The following ZMYND8 variants were observed in gnomAD, a reference collection of about 807,000 sequenced individuals.
The protein encoded by ZMYND8 is MYND-type zinc finger-containing chromatin reader ZMYND8.
A neutral mutation model predicts 140.8 loss-of-function variants in ZMYND8; 37 were observed. The ratio of observed to expected loss-of-function variants is 0.26; its 90% CI spans 0.20 to 0.35. The LOEUF (loss-of-function observed/expected upper bound fraction) is 0.35. Among genes scored for constraint, ZMYND8 ranks in the 10% least tolerant of loss-of-function variants. ZMYND8 has a pLI of 1.00. For synonymous variants in ZMYND8, 592 were observed against 597.1 expected, an observed-to-expected ratio of 0.99 and a Z score of 0.12; for missense variants, 1,068 against 1,570.0, an observed-to-expected ratio of 0.68 and a Z score of 5.40.
At chr20:47,348,144 A>G in intron 1 of ZMYND8, 2 of 574,122 alleles carry the variant, frequency 3.5e-6, no homozygotes, top group Admixed American at 3.0e-5. Flanking sequence ...TTTAAGTCAA[A>G]TTACTATTCC....
chr20:47,267,682 T>C (rs1345796964), intron 11 of ZMYND8, among the ~76,000 whole-genome samples: 1 of 152,114 alleles, frequency 6.6e-6, no homozygotes, highest in African/African-American at 2.4e-5. Flanking sequence ...CCTAAAAACA[T>C]CCAGAGGCAC....
intron 2 of ZMYND8, chr20:47,319,712 G>A (rs963420358): frequency 6.6e-6 from 1 of 152,218 alleles, no homozygotes; most frequent in Non-Finnish European, 1.5e-5. Flanking sequence ...TAGCAACCGC[G>A]GCCCTTTCTC....
chr20:47,354,608 GC>G (rs1447127985), intron 1 of ZMYND8: 3 of 152,134 alleles, frequency 2.0e-5, no homozygotes, highest in Non-Finnish European at 4.4e-5. Context: ...GATTAAATGA[GC>G]CTTTTTCCAA....
chr20:47,241,029 C>T (rs1308079754), intron 14 of ZMYND8, among the ~76,000 whole-genome samples: 2 of 151,918 alleles, frequency 1.3e-5, no homozygotes, highest in East Asian at 2.0e-4. Flanking sequence ...GGTGCAGTGG[C>T]TCACGCCTGT....
chr20:47,218,829 C>CGT (rs1313646961), intron 21 of ZMYND8, among the ~76,000 whole-genome samples: 2 of 152,182 alleles, frequency 1.3e-5, no homozygotes, highest in East Asian at 3.9e-4. Flanking sequence ...CTTTCAAGGC[C>CGT]TAGCCCCTTA....
Position 47,298,819 on chromosome 20 carries a change from A to T in ZMYND8, c.363T>A (p.Leu121=). ...AAACCCGGGGACAGAGCTCACAGCAAAGGACTTGGCCTTCCCGGTGACAAA... is the reference window on the plus strand; with the variant it reads ...AAACCCGGGGACAGAGCTCACAGCATAGGACTTGGCCTTCCCGGTGACAAA... The part of the protein sequence containing the change: ...CWVCHREGQV[L]CCELCPRVYH... The change falls in exon 4 of 23, where the codon CTT becomes CTA. Residue 121 remains leucine, a synonymous_variant. Transcript: ENST00000471951. The surrounding 1 kb of genome is among the most constrained non-coding windows in gnomAD (Gnocchi z 5.0). 2.5e-6 allele frequency: 4 copies of T among 1,614,202 alleles called. No individual in the cohort carries two copies. The highest frequency in any genetic ancestry group is 3.4e-6 in the Non-Finnish European group (4 of 1,180,026).
intron 2 of ZMYND8, among the ~76,000 whole-genome samples, chr20:47,342,017 C>T (rs1328592934): frequency 6.7e-6 from 1 of 148,226 alleles, no homozygotes; most frequent in Non-Finnish European, 1.5e-5. Flanking sequence ...AAAAAAAATA[C>T]AAAACTTAGC....
intron 11 of ZMYND8, among the ~76,000 whole-genome samples, chr20:47,275,767 C>T (rs2076219952): frequency 6.6e-6 from 1 of 152,042 alleles, no homozygotes; most frequent in Non-Finnish European, 1.5e-5. Context: ...GCCACCACGA[C>T]CAGCTAATTT....
intron 17 of ZMYND8, among the ~76,000 whole-genome samples, chr20:47,227,741 C>T (rs1334097497): frequency 6.6e-6 from 1 of 152,146 alleles, no homozygotes; most frequent in Non-Finnish European, 1.5e-5. Flanking sequence ...TGGATCCAAA[C>T]TCATTTGAAA....
chr20:47,293,444 T>A (rs1193704966), intron 5 of ZMYND8, among the ~76,000 whole-genome samples: 1 of 152,184 alleles, frequency 6.6e-6, no homozygotes, highest in African/African-American at 2.4e-5. Context: ...GGTACACAAC[T>A]GGCCAACCCT....
At chr20:47,232,608 G>A (rs2038659065) in intron 16 of ZMYND8, among the ~76,000 whole-genome samples, 2 of 152,222 alleles carry the variant, frequency 1.3e-5, no homozygotes, top group South Asian at 4.2e-4. Flanking sequence ...TGCAGGAGCT[G>A]AGAAAACAGC....
intron 1 of ZMYND8, chr20:47,351,628 C>G (rs1420902386): frequency 3.1e-6 from 3 of 972,878 alleles, no homozygotes; most frequent in Non-Finnish European, 3.7e-6. Context: ...AAAAACCATG[C>G]TTCCCTAAAT....
intron 22 of ZMYND8, among the ~76,000 whole-genome samples, chr20:47,211,162 T>C (rs1290652786): frequency 6.6e-6 from 1 of 152,154 alleles, no homozygotes; most frequent in African/African-American, 2.4e-5. Flanking sequence ...GTAGAAAAGG[T>C]GCTGAACTGC....
chr20:47,292,552 A>AT (rs970178226), intron 5 of ZMYND8, among the ~76,000 whole-genome samples: 2 of 152,042 alleles, frequency 1.3e-5, no homozygotes, highest in African/African-American at 4.8e-5. Context: ...CATGCTCTAA[A>AT]TTTTTTTTAT....
chr20:47,345,043 A>G (rs1301338742), intron 2 of ZMYND8, among the ~76,000 whole-genome samples: 1 of 152,146 alleles, frequency 6.6e-6, no homozygotes, highest in African/African-American at 2.4e-5. Flanking sequence ...GCTTGAGCCC[A>G]GGAGATTGAG....
chr20:47,286,743 C>G (rs1035964577), intron 8 of ZMYND8, among the ~76,000 whole-genome samples: 1 of 152,214 alleles, frequency 6.6e-6, no homozygotes, highest in South Asian at 2.1e-4. Flanking sequence ...AGCTCACACG[C>G]CTAAGAGGTC....
chr20:47,319,561 G>C (rs1423508446), intron 2 of ZMYND8: 1 of 159,238 alleles, frequency 6.3e-6, no homozygotes, highest in Non-Finnish European at 1.4e-5. Flanking sequence ...CAATAATGCA[G>C]AAGTGGTGAT....
At chr20:47,307,234 T>C (rs1363573012) in intron 3 of ZMYND8, among the ~76,000 whole-genome samples, 6 of 151,530 alleles carry the variant, frequency 4.0e-5, no homozygotes, top group Admixed American at 2.6e-4. Context: ...GTGGATTACC[T>C]GAGGTGAGGA....
Position 47,310,217 on chromosome 20 carries a change from C to T in ZMYND8, c.86-13G>A. ...GCAGAGCCAGGATCTGAAAGAGATA[C>T]AGGACCACAGGTTTTAAAGCAGTCA... On this transcript the variant is annotated splice_polypyrimidine_tract_variant and intron_variant, in intron 2 of 22. Transcript: ENST00000471951. The T allele has an allele frequency of 1.3e-6, 2 of 1,586,008 alleles. No homozygotes were observed. Among genetic ancestry groups the T allele is most frequent in the Non-Finnish European group, 1.7e-6 (2 of 1,171,416 alleles).
Sources: gnomAD v4.1 joint callset for allele counts (sites outside exome capture counted in the v4.1 genomes callset) on GRCh38, gnomAD v4.1.1 for gene constraint, Gnocchi (gnomAD v3.1) non-coding constraint, MANE v1.5 for transcripts, NCBI Gene and HGNC (gene_info 2026-07-23, HGNC 2026-07-21) for gene names.